HCRTR1: variants seen among roughly 807,000 people sequenced by gnomAD.
HCRTR1 encodes orexin/Hypocretin receptor type 1.
In HCRTR1, 28 loss-of-function variants were observed where a neutral mutation model predicts 40.6. The ratio of observed to expected loss-of-function variants is 0.69; its 90% CI spans 0.51 to 0.95. The LOEUF is 0.95. Ranked by LOEUF, HCRTR1 falls within the 40% of genes least tolerant of loss-of-function variation. HCRTR1 has a pLI of 0.00. For synonymous variants in HCRTR1, 209 were observed against 230.0 expected (o/e 0.91, Z 0.83); for missense variants, 482 against 564.7 (o/e 0.85, Z 1.48).
downstream of HCRTR1, chr1:31,633,112 A>G: frequency 6.3e-7 from 1 of 1,577,742 alleles, no homozygotes; most frequent in Non-Finnish European, 8.6e-7. Context: ...GTCCACTATC[A>G]GGTGGCTCTG....
At chr1:31,634,486 C>G (rs529959404), downstream of HCRTR1, among the ~76,000 whole-genome samples, 1 of 152,236 alleles carries the variant, frequency 6.6e-6, no homozygotes, top group East Asian at 1.9e-4. Context: ...CAGCAAAGAG[C>G]CTGGAATGTG....
chr1:31,619,313 T>C lies in HCRTR1; in HGVS notation c.121T>C (p.Tyr41His), dbSNP rs775406708. 3.7e-6 allele frequency: 6 copies of C among 1,614,220 alleles called. 1 individual carries two copies. The South Asian group carries it at 5.5e-5, about 15-fold the overall frequency. The change falls in exon 3 of 9, where the codon TAC (tyrosine) becomes CAC (histidine). Residue 41 changes from tyrosine to histidine, a missense_variant. Transcript: ENST00000403528. The stretch of plus-strand genomic sequence containing the variant: ...CCGCTATCTGTGGCGCGATTATCTG[T>C]ACCCAAAACAGTATGAGTGGGTCCT... ...FLRYLWRDYL[Y>H]PKQYEWVLIA...
chr1:31,623,602 G>C lies in HCRTR1; in HGVS notation c.818G>C (p.Ser273Thr). 1 of 1,613,700 alleles carries C rather than the reference G, an allele frequency of 6.2e-7. No homozygotes were observed. The highest frequency in any genetic ancestry group is 8.5e-7 in the Non-Finnish European group (1 of 1,180,012). Reference protein sequence around the residue: ...DQLGDLEQGLSGEPQPRARAF... With the variant: ...DQLGDLEQGLTGEPQPRARAF... Reference sequence around the variant, plus strand: ...CTGGGGGACCTGGAGCAGGGCCTGAGTGGAGAGCCCCAGCCCCGGGCCCGC... The same window carrying C: ...CTGGGGGACCTGGAGCAGGGCCTGACTGGAGAGCCCCAGCCCCGGGCCCGC... The change falls in exon 7 of 9, where the codon AGT becomes ACT. Residue 273 changes from serine (S) to threonine (T), a missense_variant. Transcript: ENST00000403528.
downstream of HCRTR1, among the ~76,000 whole-genome samples, chr1:31,631,216 C>G (rs914704902): frequency 6.6e-6 from 1 of 152,218 alleles, no homozygotes; most frequent in Non-Finnish European, 1.5e-5. Flanking sequence ...AGAGGCAGTA[C>G]AGCAGAGGTA....
rs767042923 is a variant in HCRTR1, at chr1:31,627,013, G to A, written c.*33G>A. 5.7e-6 allele frequency: 9 copies of A among 1,589,156 alleles called. No homozygotes were observed. The East Asian group carries it at 1.6e-4, about 28-fold the overall frequency. ...CTGCCCTGGAGGCTCCGGCTCGGGG[G>A]ATCTGCCCCTACCCCTCATGGAAAG... is the stretch of plus-strand genomic sequence containing the variant. On this transcript the variant is annotated 3_prime_UTR_variant, in exon 9 of 9. Transcript: ENST00000403528.
chr1:31,622,629 G>A (rs1639881728), intron 6 of HCRTR1, among the ~76,000 whole-genome samples: 1 of 152,200 alleles, frequency 6.6e-6, no homozygotes, highest in Non-Finnish European at 1.5e-5. Flanking sequence ...CTCACGAATG[G>A]CTGAGCTGGC....
At chr1:31,632,988 GA>G (rs1214743839), downstream of HCRTR1, among the ~76,000 whole-genome samples, 2 of 152,122 alleles carry the variant, frequency 1.3e-5, no homozygotes, top group East Asian at 3.8e-4. Context: ...AAGATCTCAG[GA>G]AAAGAGCTCT....
chr1:31,632,729 C>A, downstream of HCRTR1: 1 of 1,463,932 alleles, frequency 6.8e-7, no homozygotes, highest in African/African-American at 1.4e-5. Context: ...CCCTTCTCTC[C>A]AGGCTGGAGT....
chr1:31,621,668 G>A (rs1639860196), intron 6 of HCRTR1, 76 bp downstream of exon 6: 1 of 1,032,872 alleles, frequency 9.7e-7, no homozygotes, highest in Non-Finnish European at 1.5e-6. Context: ...GTCTAACTGA[G>A]TAGGCAGTCC....
intron 5 of HCRTR1, 39 bp downstream of exon 5, chr1:31,621,125 G>A (rs1188247799): frequency 1.3e-6 from 2 of 1,580,394 alleles, no homozygotes; most frequent in South Asian, 2.3e-5. Context: ...CCCTCAGGTG[G>A]GCACTTTGGG....
Position 31,623,591 on chromosome 1 carries a change from G to A in HCRTR1, c.807G>A (p.Glu269=), listed in dbSNP as rs1481848208. 1.2e-6 allele frequency: 2 copies of A among 1,613,502 alleles called. No homozygotes were observed. The highest frequency in any genetic ancestry group is 1.7e-5 in the Admixed American group (1 of 60,006). ...CCTCAGACCAGCTGGGGGACCTGGA[G>A]CAGGGCCTGAGTGGAGAGCCCCAGC... is the stretch of plus-strand genomic sequence containing the variant. The part of the protein sequence containing the change: ...KRPSDQLGDL[E]QGLSGEPQPR... Residue 269 remains glutamate (E), a synonymous_variant, in exon 7 of 9, where the codon GAG becomes GAA. Coordinates refer to ENST00000403528, the MANE Select transcript of HCRTR1 (RefSeq NM_001525.3).
In HCRTR1 at chr1:31,618,764, T is replaced by C. The variant is rs893332490; in HGVS notation, c.-195T>C. Reference sequence around the variant, plus strand: ...CTACCTTCTCGTACCAGGTTCTTGGTGAAGCACTTGGCACGCATCGGAGCT... The same window carrying C: ...CTACCTTCTCGTACCAGGTTCTTGGCGAAGCACTTGGCACGCATCGGAGCT... On this transcript the variant is annotated 5_prime_UTR_variant, in exon 2 of 9. Transcript: ENST00000403528. 1 of 174,310 alleles carries C rather than the reference T, an allele frequency of 5.7e-6. No individual in the cohort carries two copies. The highest frequency in any genetic ancestry group is 2.4e-5 in the African/African-American group (1 of 41,870). The allele number at this position is 174,310 out of a possible 1,614,324, so 10.8% of individuals were successfully genotyped here.
At position 31,619,203 on chromosome 1, in the gene HCRTR1, C is replaced by T. The variant is rs1313372688; in HGVS notation, c.11C>T (p.Ser4Leu). ...GCGGCTCCTGAGCTCATGGAGCCCT[C>T]AGCCACCCCAGGGGCCCAGATGGGG... Reference protein sequence around the residue: MEPSATPGAQMGVP... With the variant: MEPLATPGAQMGVP... The change falls in exon 3 of 9, where the codon TCA becomes TTA. Residue 4 changes from serine (S) to leucine (L), a missense_variant. Coordinates refer to ENST00000403528, the MANE Select transcript of HCRTR1 (RefSeq NM_001525.3). The T allele has an allele frequency of 3.1e-6, 5 of 1,611,482 alleles. No homozygotes were observed. Among genetic ancestry groups the T allele is most frequent in the Non-Finnish European group, 4.2e-6 (5 of 1,179,938 alleles).
Position 31,623,416 on chromosome 1 carries a change from C to T in HCRTR1, c.739-107C>T, listed in dbSNP as rs1186109533. ...CTCTTGCAAGGGTTTTATCCTTTTG[C>T]CCATCTCCACCCTGCCCGGGGTCCA... On this transcript the variant is annotated intron_variant, in intron 6 of 8. Transcript: ENST00000403528. 1.1e-5 allele frequency: 9 copies of T among 815,634 alleles called. No homozygotes were observed. The Admixed American group carries it at 2.1e-4, about 19-fold the overall frequency. The allele number at this position is 815,634 out of a possible 1,614,324, so 50.5% of individuals were successfully genotyped here. A position where few individuals can be genotyped will look rare whatever the true frequency, so the allele number is the denominator to read the frequency against.
At chr1:31,620,567 C>T (rs1366849091) in intron 4 of HCRTR1, among the ~76,000 whole-genome samples, 1 of 152,164 alleles carries the variant, frequency 6.6e-6, no homozygotes, top group African/African-American at 2.4e-5. Context: ...TATTATTCAC[C>T]GGAGGGGTGC....
rs200703599 is a variant in HCRTR1 at position 31,623,782 on chromosome 1, A to C, written c.965+33A>C. The C allele has an allele frequency of 1.4e-5, 22 of 1,549,842 alleles. No homozygotes were observed. The South Asian group carries it at 2.5e-4, about 18-fold the overall frequency. ...CACGGGGTATGGTTGGGGTGGGGAG[A>C]AGTTTGAGGTTGGGGAAGGAGCTCT... On this transcript the variant is annotated intron_variant, in intron 7 of 8. Transcript: ENST00000403528.
chr1:31,633,553 C>T (rs1008891989), downstream of HCRTR1, among the ~76,000 whole-genome samples: 1 of 152,190 alleles, frequency 6.6e-6, no homozygotes, highest in Admixed American at 6.5e-5. Context: ...CCAGACACTA[C>T]TCTTAATTGA....
At chr1:31,623,442 G>C in intron 6 of HCRTR1, 81 bp from the exon 7 acceptor site, 4 of 1,240,844 alleles carry the variant, frequency 3.2e-6, no homozygotes, top group Non-Finnish European at 4.5e-6. Flanking sequence ...CCGGGGTCCA[G>C]CCTGGAGTAG....
downstream of HCRTR1, among the ~76,000 whole-genome samples, chr1:31,628,623 T>G (rs1640023769): frequency 6.6e-6 from 1 of 152,220 alleles, no homozygotes; most frequent in African/African-American, 2.4e-5. Flanking sequence ...CCATCGGGTT[T>G]CAGCAGACAC....
Sources: allele counts gnomAD v4.1 joint callset (sites outside exome capture counted in the v4.1 genomes callset), GRCh38; gene constraint gnomAD v4.1.1; transcripts MANE v1.5; gene names NCBI Gene and HGNC (gene_info 2026-07-23, HGNC 2026-07-21).